Variants in PCDH15 observed in about 807,000 individuals in gnomAD.
The protein encoded by PCDH15 is protocadherin-15.
In PCDH15, 129 loss-of-function variants were observed where a neutral mutation model predicts 178.5. The ratio of observed to expected loss-of-function variants is 0.72; its 90% CI spans 0.63 to 0.84. The LOEUF (loss-of-function observed/expected upper bound fraction) is 0.84, where lower values mean the gene tolerates loss of function less well. PCDH15 is among the 40% of genes least tolerant of loss of function. The probability of loss-of-function intolerance (pLI) is 0.00; values close to 1 mark genes in which losing one functional copy is unlikely to be tolerated. For synonymous variants in PCDH15, 800 were observed against 732.0 expected (o/e 1.09, Z -1.50); for missense variants, 2,230 against 2,099.9 (o/e 1.06, Z -1.21).
At chr10:54,990,456 T>G (rs1205067252) in intron 2 of PCDH15, among the ~76,000 whole-genome samples, 1 of 152,230 alleles carries the variant, frequency 6.6e-6, no homozygotes, top group Non-Finnish European at 1.5e-5. Context: ...GTTATTAGAC[T>G]CATCTATCTA....
chr10:54,014,950 G>T (rs187704505), intron 20 of PCDH15, among the ~76,000 whole-genome samples: 65 of 152,206 alleles, frequency 4.3e-4, no homozygotes, highest in Admixed American at 1.6e-3. Context: ...ACCCAATTAG[G>T]AAGAGAGGAT....
chr10:54,236,282 T>C, intron 9 of PCDH15, among the ~76,000 whole-genome samples: 1 of 152,148 alleles, frequency 6.6e-6, no homozygotes, highest in East Asian at 1.9e-4. Flanking sequence ...AGTATATGCA[T>C]AGGGATGGAT....
intron 2 of PCDH15, among the ~76,000 whole-genome samples, chr10:54,992,220 T>C (rs10763161): frequency 0.81 from 123,994 of 152,144 alleles, 51,116 homozygotes; most frequent in African/African-American, 0.95. Flanking sequence ...GGAAAATATG[T>C]TTCTCCACCA....
chr10:54,931,248 G>A (rs576153306), intron 2 of PCDH15, among the ~76,000 whole-genome samples: 3 of 152,154 alleles, frequency 2.0e-5, no homozygotes, highest in African/African-American at 7.2e-5. Context: ...GTGTTTTCTG[G>A]AATATATTCT....
chr10:54,751,730 T>C (rs1028667438), intron 1 of PCDH15, among the ~76,000 whole-genome samples: 2 of 152,166 alleles, frequency 1.3e-5, no homozygotes, highest in Non-Finnish European at 2.9e-5. Context: ...TTTATGTTTC[T>C]TTGTCCAATC....
At position 54,978,752 on chromosome 10, in the gene PCDH15, C is replaced by G. The variant is rs149685764; in HGVS notation, c.-79-81252G>C. Among the ~76,000 whole-genome samples, 149 of 152,114 alleles carry G rather than the reference C, an allele frequency of 9.8e-4. 2 individuals are homozygous for G. The East Asian group carries it at 0.026, about 26-fold the overall frequency. On this transcript the variant is annotated intron_variant, in intron 2 of 5. Coordinates refer to the PCDH15 transcript ENST00000458638. ...TTTGGTCATCTTCCCATAATTGGCC[C>G]CCCTCAACATTCCTGTTACTTTGTT...
chr10:55,039,927 CAAAA>C (rs1468857407), intron 2 of PCDH15, among the ~76,000 whole-genome samples: 1 of 151,730 alleles, frequency 6.6e-6, no homozygotes, highest in Non-Finnish European at 1.5e-5. Context: ...AACAAACAAA[CAAAA>C]AAACCCACCA....
At chr10:54,226,028 A>G (rs761524844) in intron 9 of PCDH15, among the ~76,000 whole-genome samples, 5 of 151,948 alleles carry the variant, frequency 3.3e-5, no homozygotes, top group Non-Finnish European at 7.4e-5. Flanking sequence ...GTGAGAAAGA[A>G]AGAGAGAGAG....
intron 2 of PCDH15, among the ~76,000 whole-genome samples, chr10:55,333,575 T>G (rs1333459590): frequency 1.3e-5 from 2 of 152,094 alleles, no homozygotes; most frequent in Admixed American, 6.6e-5. Context: ...TGTTAATTTT[T>G]TAAATATTAT....
intron 2 of PCDH15, among the ~76,000 whole-genome samples, chr10:55,325,490 T>C (rs1844006873): frequency 6.6e-6 from 1 of 152,162 alleles, no homozygotes; most frequent in African/African-American, 2.4e-5. Flanking sequence ...ATTCATTAGA[T>C]AGCGCTAGGA....
chr10:54,382,182 T>C (rs1270009717), intron 3 of PCDH15, among the ~76,000 whole-genome samples: 1 of 152,148 alleles, frequency 6.6e-6, no homozygotes, highest in Non-Finnish European at 1.5e-5. Flanking sequence ...GAAGTAGGTA[T>C]TGAGGGCCAT....
At chr10:55,297,953 A>T (rs956897784) in intron 1 of PCDH15, among the ~76,000 whole-genome samples, 11 of 152,076 alleles carry the variant, frequency 7.2e-5, no homozygotes, top group African/African-American at 2.7e-4. Context: ...CTAGAAGTAA[A>T]GCCCTCCACA....
intron 2 of PCDH15, among the ~76,000 whole-genome samples, chr10:55,020,393 AAG>A (rs1431671181): frequency 1.3e-5 from 2 of 151,946 alleles, no homozygotes; most frequent in Non-Finnish European, 2.9e-5. Context: ...CAAAAAAAAA[AAG>A]AAGACTTGAT....
chr10:55,232,991 C>T (rs1841268709), intron 1 of PCDH15, among the ~76,000 whole-genome samples: 1 of 152,052 alleles, frequency 6.6e-6, no homozygotes, highest in Non-Finnish European at 1.5e-5. Flanking sequence ...ATGTTCATTG[C>T]TTTAAACCAC....
In PCDH15 at chr10:54,595,181, G is replaced by A. The variant is rs183162429; in HGVS notation, c.92-67304C>T. ...TCCCACTACGACTGTCCTACAAAATGCTTTGGCTGGGAGTAGCCATTAGAG... is the reference window on the plus strand; with the variant it reads ...TCCCACTACGACTGTCCTACAAAATACTTTGGCTGGGAGTAGCCATTAGAG... On this transcript the variant is annotated intron_variant, in intron 2 of 37. Coordinates refer to ENST00000644397, the MANE Select transcript of PCDH15 (RefSeq NM_001384140.1). 2.4e-3 allele frequency among the ~76,000 whole-genome samples: 373 copies of A among 152,296 alleles called. 2 individuals carry two copies. The highest frequency in any genetic ancestry group is 8.3e-3 in the African/African-American group (346 of 41,570).
chr10:55,583,444 T>TTATG (rs1163258258), intron 2 of PCDH15, among the ~76,000 whole-genome samples: 1 of 152,172 alleles, frequency 6.6e-6, no homozygotes, highest in Middle Eastern at 3.2e-3. Flanking sequence ...ATTTATTTAT[T>TTATG]TATGTTTAAG....
At position 55,236,553 on chromosome 10, in the gene PCDH15, T is replaced by A. The variant is rs549233228; in HGVS notation, c.-155-69902A>T. ...GTGCCTTATTAAACATTAATAGAAATGCCCATATTGCTAATCAAATAAAAT... is the reference window on the plus strand; with the variant it reads ...GTGCCTTATTAAACATTAATAGAAAAGCCCATATTGCTAATCAAATAAAAT... On this transcript the variant is annotated intron_variant, in intron 1 of 5. Transcript: ENST00000458638. 1.2e-3 allele frequency among the ~76,000 whole-genome samples: 187 copies of A among 152,140 alleles called. 2 individuals carry two copies. The highest frequency in any genetic ancestry group is 4.2e-3 in the African/African-American group (174 of 41,480).
chr10:53,823,531 A>C lies in PCDH15; in HGVS notation c.4368-3301T>G, dbSNP rs554285298. 135 of 763,686 alleles carry C rather than the reference A, an allele frequency of 1.8e-4. 2 individuals carry two copies. In the South Asian group the frequency reaches 1.8e-3, roughly 10 times the overall value. The allele number at this position is 763,686 out of a possible 1,614,324, so 47.3% of individuals were successfully genotyped here. On this transcript the variant is annotated intron_variant, in intron 32 of 37. Transcript: ENST00000644397. ...TTTAATTCCCTGCTCTTAGAAAGGC[A>C]GGGCAGAAAAATCTTAGAGTTGTGA...
At chr10:53,857,618 C>T (rs1042401827) in intron 27 of PCDH15, among the ~76,000 whole-genome samples, 11 of 151,538 alleles carry the variant, frequency 7.3e-5, no homozygotes, top group Admixed American at 1.3e-4. Flanking sequence ...ATGAAAAATA[C>T]GTTTTATATT....
Sources: gnomAD v4.1 joint callset for allele counts (sites outside exome capture counted in the v4.1 genomes callset) on GRCh38, gnomAD v4.1.1 for gene constraint, MANE v1.5 for transcripts, NCBI Gene and HGNC (gene_info 2026-07-23, HGNC 2026-07-21) for gene names.